The following B3GALT1 variants were observed in gnomAD, a reference collection of about 807,000 sequenced individuals.
The protein encoded by B3GALT1 is UDP-Gal:betaGlcNAc beta 1,3-galactosyltransferase, polypeptide 1.
B3GALT1 carries 10 observed loss-of-function variants against 23.2 expected under a neutral mutation model. The ratio of observed to expected loss-of-function variants is 0.43; its 90% CI spans 0.27 to 0.73. The LOEUF (loss-of-function observed/expected upper bound fraction) is 0.73. B3GALT1 is among the 30% of genes least tolerant of loss of function. The pLI is 0.21. For missense variants in B3GALT1, 299 were observed against 405.4 expected, an observed-to-expected ratio of 0.74 and a Z score of 2.25; for synonymous variants, 156 against 141.5, an observed-to-expected ratio of 1.10 and a Z score of -0.73.
intron 3 of B3GALT1, among the ~76,000 whole-genome samples, chr2:167,781,722 T>C (rs1688247809): frequency 6.6e-6 from 1 of 151,920 alleles, no homozygotes. Flanking sequence ...GTGGGGGGTG[T>C]TGGCTGCCTC....
At chr2:167,855,445 T>A (rs1435302513) in intron 4 of B3GALT1, among the ~76,000 whole-genome samples, 2 of 123,490 alleles carry the variant, frequency 1.6e-5, no homozygotes, top group Non-Finnish European at 3.8e-5. Flanking sequence ...TTAGTAGAAG[T>A]AATTATTAGT....
rs140400309 is a variant in B3GALT1 at position 167,557,284 on chromosome 2, T to A, written c.-410+67007T>A. On this transcript the variant is annotated intron_variant, in intron 2 of 4. Coordinates refer to ENST00000392690, the MANE Select transcript of B3GALT1 (RefSeq NM_020981.4). ...ATTATAAACACTGACCAACAAAGTG[T>A]TCTTTGTTGCCAAGAATGTCACCTT... Among the ~76,000 whole-genome samples the A allele has an allele frequency of 7.6e-4, 115 of 152,276 alleles. 1 individual carries two copies. The highest frequency in any genetic ancestry group is 1.4e-3 in the Non-Finnish European group (92 of 68,014).
At chr2:167,416,122 C>T (rs188499659) in intron 1 of B3GALT1, among the ~76,000 whole-genome samples, 198 of 152,232 alleles carry the variant, frequency 1.3e-3, no homozygotes, top group Non-Finnish European at 1.8e-3. Context: ...AGAGAAGGAA[C>T]CATCAAGGTG....
intron 1 of B3GALT1, among the ~76,000 whole-genome samples, chr2:167,446,055 C>A (rs550871358): frequency 6.6e-6 from 1 of 152,286 alleles, no homozygotes; most frequent in Non-Finnish European, 1.5e-5. Context: ...CTAAGGCAGA[C>A]CTGGTGGTGA....
chr2:167,555,923 G>T (rs961163316), intron 2 of B3GALT1, among the ~76,000 whole-genome samples: 1 of 152,148 alleles, frequency 6.6e-6, no homozygotes, highest in Non-Finnish European at 1.5e-5. Flanking sequence ...TGAGGATAAT[G>T]AAACACCAGA....
chr2:167,821,030 G>C (rs1023567055), intron 4 of B3GALT1, among the ~76,000 whole-genome samples: 1 of 152,144 alleles, frequency 6.6e-6, no homozygotes, highest in Non-Finnish European at 1.5e-5. Context: ...GTGTGCTATT[G>C]ATATGATAAT....
At chr2:167,347,648 A>G (rs1697244035) in intron 1 of B3GALT1, among the ~76,000 whole-genome samples, 1 of 152,180 alleles carries the variant, frequency 6.6e-6, no homozygotes, top group Non-Finnish European at 1.5e-5. Context: ...GTGACTTGAC[A>G]TTTTTCAACA....
At chr2:167,858,338 G>T in intron 4 of B3GALT1, among the ~76,000 whole-genome samples, 1 of 139,162 alleles carries the variant, frequency 7.2e-6, no homozygotes, top group Admixed American at 7.2e-5. Context: ...TTGAACAAGA[G>T]CGAAGTAAAA....
rs568476134 is a variant in B3GALT1, at chr2:167,867,141, T to G, written c.-229-1670T>G. ...CGGGGTTTCACCGTTTTAGCCAGGA[T>G]GGTCTCGATCTCCTGACCTCGTGAT... On this transcript the variant is annotated intron_variant, in intron 4 of 4. Coordinates refer to ENST00000392690, the MANE Select transcript of B3GALT1 (RefSeq NM_020981.4). Among the ~76,000 whole-genome samples the G allele has an allele frequency of 5.2e-3, 789 of 152,274 alleles. 2 individuals carry two copies. Among genetic ancestry groups the G allele is most frequent in the Non-Finnish European group, 8.1e-3 (549 of 68,004 alleles).
chr2:167,483,820 C>G (rs375787787), intron 1 of B3GALT1, among the ~76,000 whole-genome samples: 11 of 152,220 alleles, frequency 7.2e-5, no homozygotes, highest in African/African-American at 2.4e-4. Flanking sequence ...AATGAAGATA[C>G]CTGGTGTTCT....
At chr2:167,812,463 T>C (rs1268282555) in intron 3 of B3GALT1, among the ~76,000 whole-genome samples, 1 of 152,264 alleles carries the variant, frequency 6.6e-6, no homozygotes, top group Non-Finnish European at 1.5e-5. Flanking sequence ...ATGCATGTTC[T>C]ACCAAAATTC....
intron 1 of B3GALT1, among the ~76,000 whole-genome samples, chr2:167,395,025 A>G (rs2105285351): frequency 6.6e-6 from 1 of 152,240 alleles, no homozygotes; most frequent in African/African-American, 2.4e-5. Flanking sequence ...CCTGCACCTA[A>G]TTTATATGAT....
chr2:167,532,991 A>T (rs750665389), intron 2 of B3GALT1, among the ~76,000 whole-genome samples: 2 of 151,706 alleles, frequency 1.3e-5, no homozygotes, highest in Non-Finnish European at 2.9e-5. Context: ...CCTCCAGAAT[A>T]GCTGAGATTA....
intron 2 of B3GALT1, among the ~76,000 whole-genome samples, chr2:167,578,526 C>T (rs1385291278): frequency 6.6e-6 from 1 of 151,468 alleles, no homozygotes; most frequent in Non-Finnish European, 1.5e-5. Context: ...GAGGTTTTCT[C>T]GGGGGTATTG....
At chr2:167,558,692 G>T (rs1404585412) in intron 2 of B3GALT1, among the ~76,000 whole-genome samples, 1 of 152,222 alleles carries the variant, frequency 6.6e-6, no homozygotes, top group African/African-American at 2.4e-5. Flanking sequence ...CGCCCATGGA[G>T]TCTCGCTGAT....
chr2:167,789,738 T>A (rs776314109), intron 3 of B3GALT1, among the ~76,000 whole-genome samples: 1 of 152,072 alleles, frequency 6.6e-6, no homozygotes, highest in Non-Finnish European at 1.5e-5. Context: ...GAGTTTTCCA[T>A]CCCTTTCCTC....
At chr2:167,454,432 C>T (rs561984852) in intron 1 of B3GALT1, among the ~76,000 whole-genome samples, 1 of 152,198 alleles carries the variant, frequency 6.6e-6, no homozygotes, top group African/African-American at 2.4e-5. Context: ...TTAAAGCCAA[C>T]GTCAGCATTG....
At chr2:167,746,734 G>T (rs887300291) in intron 3 of B3GALT1, among the ~76,000 whole-genome samples, 10 of 152,194 alleles carry the variant, frequency 6.6e-5, no homozygotes, top group Non-Finnish European at 8.8e-5. Flanking sequence ...ATACAGAGCT[G>T]CCATTATGAA....
In B3GALT1 at chr2:167,529,359, T is replaced by C. The variant is rs374461844; in HGVS notation, c.-410+39082T>C. Among the ~76,000 whole-genome samples the C allele has an allele frequency of 3.3e-5, 5 of 152,122 alleles. No individual in the cohort carries two copies. The East Asian group carries it at 9.9e-4, about 30-fold the overall frequency. On this transcript the variant is annotated intron_variant, in intron 2 of 4. Coordinates refer to ENST00000392690, the MANE Select transcript of B3GALT1 (RefSeq NM_020981.4). ...CATATGTACCAAAATACCATCTATG[T>C]ACACTGGCAACCTCTGAATTTATAC...
Sources: allele counts gnomAD v4.1 joint callset (sites outside exome capture counted in the v4.1 genomes callset), GRCh38; gene constraint gnomAD v4.1.1; transcripts MANE v1.5; gene names NCBI Gene and HGNC (gene_info 2026-07-23, HGNC 2026-07-21).